The following DOCK1 variants were observed in gnomAD, a reference collection of about 807,000 sequenced individuals.
The protein encoded by DOCK1 is dedicator of cytokinesis protein 1.
A neutral mutation model predicts 262.7 loss-of-function variants in DOCK1; 138 were observed. The ratio of observed to expected loss-of-function variants is 0.53; its 90% CI spans 0.46 to 0.61. The LOEUF is 0.61. Ranked by LOEUF, DOCK1 falls within the 20% of genes least tolerant of loss-of-function variation. The pLI, the probability that DOCK1 is intolerant of heterozygous loss-of-function variation, is 0.00. For missense variants in DOCK1, 1,908 were observed against 2,370.7 expected (o/e 0.80, Z 4.05); for synonymous variants, 866 against 867.4 (o/e 1.00, Z 0.03).
intron 38 of DOCK1, among the ~76,000 whole-genome samples, chr10:127,388,174 T>G (rs1441583372): frequency 6.6e-6 from 1 of 152,178 alleles, no homozygotes; most frequent in African/African-American, 2.4e-5. Flanking sequence ...CAAAACAGAC[T>G]CAAGGAATGT....
chr10:127,287,577 C>T (rs1200463951), intron 29 of DOCK1, among the ~76,000 whole-genome samples: 1 of 152,036 alleles, frequency 6.6e-6, no homozygotes, highest in Non-Finnish European at 1.5e-5. Context: ...AGATTGAATC[C>T]ACATGGTGTT....
intron 5 of DOCK1, among the ~76,000 whole-genome samples, chr10:126,989,072 C>CA (rs5788816): frequency 0.56 from 72,033 of 128,868 alleles, 19,623 homozygotes; most frequent in East Asian, 0.8. Context: ...GACCCCTTCT[C>CA]AAAAAAAAAA....
intron 31 of DOCK1, among the ~76,000 whole-genome samples, chr10:127,348,095 G>A (rs1027396345): frequency 1.3e-5 from 2 of 151,686 alleles, no homozygotes; most frequent in South Asian, 2.1e-4. Context: ...GCCATACCAC[G>A]CAGAGAACTG....
At chr10:127,093,195 C>T (rs965081812) in intron 23 of DOCK1, among the ~76,000 whole-genome samples, 2 of 84,156 alleles carry the variant, frequency 2.4e-5, no homozygotes, top group Non-Finnish European at 4.9e-5. Flanking sequence ...ATCTCCCTCT[C>T]CTTTTTCTTT....
intron 23 of DOCK1, among the ~76,000 whole-genome samples, chr10:127,099,474 T>A (rs952451530): frequency 2.0e-5 from 3 of 152,154 alleles, no homozygotes; most frequent in African/African-American, 7.2e-5. Flanking sequence ...TGGCCCCGGT[T>A]CTGCAGGGTG....
At chr10:127,360,301 C>T (rs1012764924) in intron 32 of DOCK1, among the ~76,000 whole-genome samples, 4 of 152,154 alleles carry the variant, frequency 2.6e-5, no homozygotes, top group African/African-American at 9.7e-5. Flanking sequence ...CGCAGCCACG[C>T]ACCCACAGGA....
intron 1 of DOCK1, among the ~76,000 whole-genome samples, chr10:126,965,791 G>A (rs929431375): frequency 6.6e-6 from 1 of 152,018 alleles, no homozygotes; most frequent in South Asian, 2.1e-4. Flanking sequence ...GTATTTATGG[G>A]GTACACCTTC....
Position 127,433,266 on chromosome 10 carries a change from C to G in DOCK1, c.4915-17C>G. Reference sequence around the variant, plus strand: ...AGGCATCAAACAAGTCTCCTTCTCTCTCTTTCTCGCTCTCAGCCCTCAAGT... The same window carrying G: ...AGGCATCAAACAAGTCTCCTTCTCTGTCTTTCTCGCTCTCAGCCCTCAAGT... On this transcript the variant is annotated splice_polypyrimidine_tract_variant and intron_variant, in intron 47 of 51. Coordinates refer to ENST00000623213, the MANE Select transcript of DOCK1 (RefSeq NM_001290223.2). 2 of 1,613,040 alleles carry G rather than the reference C, an allele frequency of 1.2e-6. No homozygotes were observed. Among genetic ancestry groups the G allele is most frequent in the South Asian group, 2.2e-5 (2 of 91,014 alleles).
intron 1 of DOCK1, among the ~76,000 whole-genome samples, chr10:126,961,743 C>G (rs1050815941): frequency 6.6e-6 from 1 of 152,104 alleles, no homozygotes; most frequent in Admixed American, 6.6e-5. Flanking sequence ...AGTAATTTAC[C>G]TGTTGATGGA....
intron 1 of DOCK1, among the ~76,000 whole-genome samples, chr10:126,924,806 T>C (rs182586119): frequency 6.6e-6 from 1 of 152,332 alleles, no homozygotes; most frequent in Non-Finnish European, 1.5e-5. Flanking sequence ...GTGGGATTAA[T>C]GTGTAAAGAG....
intron 1 of DOCK1, among the ~76,000 whole-genome samples, chr10:126,945,123 C>T (rs1385621528): frequency 6.6e-6 from 1 of 152,178 alleles, no homozygotes; most frequent in Non-Finnish European, 1.5e-5. Context: ...AGGTGTGAGC[C>T]ACCGTGCCTG....
intron 1 of DOCK1, among the ~76,000 whole-genome samples, chr10:126,942,673 T>G (rs1268298762): frequency 6.6e-6 from 1 of 152,144 alleles, no homozygotes; most frequent in Admixed American, 6.5e-5. Flanking sequence ...AGAGTTCCAT[T>G]ATCCCGTTTA....
At chr10:127,142,108 G>A (rs1447118298) in intron 27 of DOCK1, among the ~76,000 whole-genome samples, 1 of 152,178 alleles carries the variant, frequency 6.6e-6, no homozygotes, top group Non-Finnish European at 1.5e-5. Flanking sequence ...CTTGCCTGTG[G>A]ACAGCAGGTG....
intron 23 of DOCK1, among the ~76,000 whole-genome samples, chr10:127,067,543 G>A (rs1167134704): frequency 6.6e-6 from 1 of 152,050 alleles, no homozygotes; most frequent in African/African-American, 2.4e-5. Flanking sequence ...ATGTGTGCGT[G>A]TGTGTTGTGC....
At chr10:126,923,269 A>G (rs2033382314) in intron 1 of DOCK1, among the ~76,000 whole-genome samples, 1 of 152,208 alleles carries the variant, frequency 6.6e-6, no homozygotes, top group Admixed American at 6.5e-5. Flanking sequence ...TATTTTTGTA[A>G]TAATATTGTA....
At chr10:127,299,064 T>C (rs2061595176) in intron 29 of DOCK1, among the ~76,000 whole-genome samples, 1 of 152,136 alleles carries the variant, frequency 6.6e-6, no homozygotes, top group Non-Finnish European at 1.5e-5. Context: ...GCAGATATAA[T>C]CAGGTTGAGG....
chr10:127,337,634 G>C (rs939648343), intron 29 of DOCK1, among the ~76,000 whole-genome samples: 1 of 152,210 alleles, frequency 6.6e-6, no homozygotes, highest in African/African-American at 2.4e-5. Flanking sequence ...CAATGCCTGC[G>C]TCCCTCCATT....
intron 31 of DOCK1, among the ~76,000 whole-genome samples, chr10:127,353,839 T>A (rs1475061664): frequency 6.6e-6 from 1 of 152,148 alleles, no homozygotes; most frequent in Non-Finnish European, 1.5e-5. Flanking sequence ...GGTTGTTGAT[T>A]TACCGGCCAG....
intron 22 of DOCK1, among the ~76,000 whole-genome samples, chr10:127,057,249 G>A (rs533369258): frequency 6.6e-6 from 1 of 152,296 alleles, no homozygotes; most frequent in South Asian, 2.1e-4. Flanking sequence ...AAAAACAATT[G>A]TGCTCACAGC....
Sources: allele counts gnomAD v4.1 joint callset (sites outside exome capture counted in the v4.1 genomes callset), GRCh38; gene constraint gnomAD v4.1.1; transcripts MANE v1.5; gene names NCBI Gene and HGNC (gene_info 2026-07-23, HGNC 2026-07-21).